The following SPOP variants were observed in gnomAD, a reference collection of about 807,000 sequenced individuals.
The protein encoded by SPOP is speckle type BTB/POZ protein.
SPOP carries 11 observed loss-of-function variants against 45.6 expected under a neutral mutation model. The observed-to-expected ratio is 0.24, with a 90% CI of 0.15 to 0.40. SPOP has a LOEUF of 0.40. Ranked by LOEUF, SPOP falls within the 10% of genes least tolerant of loss-of-function variation. SPOP has a pLI of 1.00. For synonymous variants in SPOP, 166 were observed against 166.3 expected, an observed-to-expected ratio of 1.00 and a Z score of 0.01; for missense variants, 152 against 465.6, an observed-to-expected ratio of 0.33 and a Z score of 6.20.
chr17:49,640,655 T>A (rs1417957414), intron 1 of SPOP, among the ~76,000 whole-genome samples: 1 of 152,218 alleles, frequency 6.6e-6, no homozygotes, highest in African/African-American at 2.4e-5. Context: ...TGGCCTCTGA[T>A]GGAACCTCCA....
At chr17:49,652,767 C>T (rs942014343) in intron 1 of SPOP, among the ~76,000 whole-genome samples, 2 of 152,190 alleles carry the variant, frequency 1.3e-5, no homozygotes, top group Non-Finnish European at 2.9e-5. Flanking sequence ...AAACTTTGGA[C>T]TCTAGACCCA....
chr17:49,627,648 C>T (rs1597937155), intron 1 of SPOP, among the ~76,000 whole-genome samples: 1 of 152,086 alleles, frequency 6.6e-6, no homozygotes, highest in Non-Finnish European at 1.5e-5. Flanking sequence ...ATTATCTAAG[C>T]CCAGGAAAAG....
chr17:49,619,975 G>A lies in SPOP; in HGVS notation c.201-590C>T, dbSNP rs1057008095. Among the ~76,000 whole-genome samples, 5 of 151,424 alleles carry A rather than the reference G, an allele frequency of 3.3e-5. No homozygotes were observed. Among genetic ancestry groups the A allele is most frequent in the African/African-American group, 9.7e-5 (4 of 41,176 alleles). ...GGACTTCGAGGCCAGCCTGGCCAAC[G>A]TGGTGAAACCCCGTCTCTACTAAAA... is the stretch of plus-strand genomic sequence containing the variant. On this transcript the variant is annotated intron_variant, in intron 3 of 9. Coordinates refer to ENST00000504102, the MANE Select transcript of SPOP (RefSeq NM_001007228.2). The surrounding 1 kb of genome is among the most constrained non-coding windows in gnomAD (Gnocchi z 4.9).
intron 1 of SPOP, chr17:49,645,982 T>G (rs1478711017): frequency 2.0e-5 from 3 of 151,834 alleles, no homozygotes; most frequent in Admixed American, 6.6e-5. Flanking sequence ...ATGCTCCCAC[T>G]CCACAGCCCA....
chr17:49,607,636 A>C (rs900708190), intron 7 of SPOP, among the ~76,000 whole-genome samples: 2 of 152,164 alleles, frequency 1.3e-5, no homozygotes, highest in Non-Finnish European at 2.9e-5. Context: ...GTAAAAACAT[A>C]TATGTCTAAA....
intron 5 of SPOP, among the ~76,000 whole-genome samples, chr17:49,616,539 C>G (rs2143236833): frequency 6.6e-6 from 1 of 152,154 alleles, no homozygotes; most frequent in Non-Finnish European, 1.5e-5. Flanking sequence ...AACAACAGGT[C>G]AAAGGGATAA....
intron 1 of SPOP, among the ~76,000 whole-genome samples, chr17:49,667,806 T>C (rs2073082848): frequency 6.6e-6 from 1 of 152,198 alleles, no homozygotes; most frequent in Admixed American, 6.5e-5. Context: ...CTCATGTTCA[T>C]ATCAGCATTA....
At chr17:49,638,380 G>C (rs2143416015) in intron 1 of SPOP, among the ~76,000 whole-genome samples, 1 of 152,302 alleles carries the variant, frequency 6.6e-6, no homozygotes, top group East Asian at 1.9e-4. Flanking sequence ...CACGAGGTCA[G>C]GAGATTGAGA....
chr17:49,632,597 A>G (rs771237724), intron 1 of SPOP, among the ~76,000 whole-genome samples: 15 of 151,946 alleles, frequency 9.9e-5, no homozygotes, highest in East Asian at 1.9e-4. Flanking sequence ...GGTTCAAGCA[A>G]TTCTCCCGCC....
Position 49,621,839 on chromosome 17 carries a change from A to G in SPOP, c.200+107T>C. 4 of 1,276,510 alleles carry G rather than the reference A, an allele frequency of 3.1e-6. No homozygotes were observed. In the South Asian group the frequency reaches 5.5e-5, roughly 18 times the overall value. 79.1% of individuals were successfully genotyped at this position (1,276,510 alleles called of 1,614,324 possible). On this transcript the variant is annotated intron_variant, in intron 3 of 9. Transcript: ENST00000504102. ...CTGGGAAATACAGTAAGAACAAAAC[A>G]AAAGTCCTGGCCTTCATGGAAATTA... is the stretch of plus-strand genomic sequence containing the variant.
intron 1 of SPOP, among the ~76,000 whole-genome samples, chr17:49,672,816 G>A (rs1428277139): frequency 6.6e-6 from 1 of 152,018 alleles, no homozygotes; most frequent in Non-Finnish European, 1.5e-5. Context: ...GTGTGGTGGT[G>A]GGCACCTATA....
chr17:49,660,525 A>G (rs2072973300), intron 1 of SPOP, among the ~76,000 whole-genome samples: 1 of 152,180 alleles, frequency 6.6e-6, no homozygotes, highest in South Asian at 2.1e-4. Flanking sequence ...TATAAGCTCC[A>G]TGAGAGTAGG....
At chr17:49,626,594 T>C (rs181021254) in intron 1 of SPOP, among the ~76,000 whole-genome samples, 1 of 151,654 alleles carries the variant, frequency 6.6e-6, no homozygotes, top group African/African-American at 2.4e-5. Flanking sequence ...ACTTGGGAGG[T>C]TGAGACAGAG....
chr17:49,648,313 A>G (rs2072790923), intron 1 of SPOP, among the ~76,000 whole-genome samples: 1 of 152,232 alleles, frequency 6.6e-6, no homozygotes, highest in Non-Finnish European at 1.5e-5. Context: ...CTGAACCTAC[A>G]GAGTCCTATA....
intron 8 of SPOP, among the ~76,000 whole-genome samples, chr17:49,606,235 C>T (rs1416569621): frequency 6.6e-6 from 1 of 151,968 alleles, no homozygotes; most frequent in South Asian, 2.1e-4. Flanking sequence ...CTCACTGTGG[C>T]CTCAACCTCC....
intron 6 of SPOP, among the ~76,000 whole-genome samples, chr17:49,609,717 AG>A (rs1190823173): frequency 6.6e-6 from 1 of 152,144 alleles, no homozygotes; most frequent in Non-Finnish European, 1.5e-5. Context: ...GTGGGAGGAA[AG>A]GAAGTAGAAA....
At chr17:49,617,781 A>G (rs2072119384) in intron 5 of SPOP, among the ~76,000 whole-genome samples, 1 of 151,972 alleles carries the variant, frequency 6.6e-6, no homozygotes, top group Non-Finnish European at 1.5e-5. Context: ...AGAATTAGCC[A>G]GGCCTGGTGG....
At chr17:49,657,769 C>T (rs1465371221) in intron 1 of SPOP, among the ~76,000 whole-genome samples, 2 of 142,222 alleles carry the variant, frequency 1.4e-5, no homozygotes, top group Non-Finnish European at 3.0e-5. Context: ...GGCGTGATCG[C>T]GGCTCACTGC....
At position 49,611,325 on chromosome 17, in the gene SPOP, A is replaced by G. The variant is rs1475940002; in HGVS notation, c.613T>C (p.Cys205Arg). Residue 205 changes from cysteine (C) to arginine (R), a missense_variant, in exon 6 of 10, where the codon TGT becomes CGT. Physicochemically the swap from Cys to Arg is radical, Grantham distance 180. Transcript: ENST00000504102. ...GCCTGGAATTCCTGGCCGGCAACAC[A>G]CAAGCAGCAGTCTGTGAACCGGGAA... is the stretch of plus-strand genomic sequence containing the variant. ...ENSRFTDCCL[C>R]VAGQEFQAHK... 2 of 1,614,166 alleles carry G rather than the reference A, an allele frequency of 1.2e-6. No homozygotes were observed. The highest frequency in any genetic ancestry group is 4.5e-5 in the East Asian group (2 of 44,886).
Sources: gnomAD v4.1 joint callset for allele counts (sites outside exome capture counted in the v4.1 genomes callset) on GRCh38, gnomAD v4.1.1 for gene constraint, Gnocchi (gnomAD v3.1) non-coding constraint, MANE v1.5 for transcripts, NCBI Gene and HGNC (gene_info 2026-07-23, HGNC 2026-07-21) for gene names.